RELL1: variants seen among roughly 807,000 people sequenced by gnomAD.
The protein encoded by RELL1 is RELT like 1.
Under a neutral mutation model 23.0 loss-of-function variants are expected in RELL1, and 10 were observed. The observed-to-expected ratio is 0.43, with a 90% CI of 0.27 to 0.74. The LOEUF (loss-of-function observed/expected upper bound fraction) is 0.74. Among genes scored for constraint, RELL1 ranks in the 30% least tolerant of loss-of-function variants. The pLI is 0.19. For synonymous variants in RELL1, 146 were observed against 146.8 expected (o/e 0.99, Z 0.04); for missense variants, 315 against 364.4 (o/e 0.86, Z 1.10).
intron 3 of RELL1, among the ~76,000 whole-genome samples, chr4:37,643,134 G>T (rs1720584239): frequency 6.6e-6 from 1 of 152,314 alleles, no homozygotes; most frequent in Non-Finnish European, 1.5e-5. Context: ...AGTCTTTTGG[G>T]ATCTGACGCT....
At chr4:37,588,561 TCTCCTCATCTGCAAAA>T, downstream of RELL1, 1 of 342,228 alleles carries the variant, frequency 2.9e-6, no homozygotes, top group South Asian at 5.1e-5. Flanking sequence ...TCCACCTTCT[TCTCCTCATCTGCAAAA>T]TGGGGATGAA....
At chr4:37,600,641 T>C (rs1005776644) in intron 6 of RELL1, among the ~76,000 whole-genome samples, 1 of 152,210 alleles carries the variant, frequency 6.6e-6, no homozygotes, top group African/African-American at 2.4e-5. Context: ...CTTTTATCTT[T>C]CCTCATGCCC....
chr4:37,631,138 AATC>A (rs1720115308), intron 6 of RELL1, among the ~76,000 whole-genome samples: 1 of 152,132 alleles, frequency 6.6e-6, no homozygotes, highest in Non-Finnish European at 1.5e-5. Flanking sequence ...CCTCACAAGT[AATC>A]CTCTATCCTC....
At chr4:37,669,083 C>A (rs1387626178) in intron 1 of RELL1, among the ~76,000 whole-genome samples, 1 of 133,162 alleles carries the variant, frequency 7.5e-6, no homozygotes, top group African/African-American at 3.3e-5. Context: ...CCTGGCCAGC[C>A]GCCCCGTCTG....
At position 37,649,356 on chromosome 4, in the gene RELL1, C is replaced by G; in HGVS notation, c.233G>C (p.Cys78Ser). ...ATAGCCTTTCTTCTTAAGCAGGTGG[C>G]AAATGAGGACGCCAAAGAGACCCAT... is the stretch of plus-strand genomic sequence containing the variant. ...FIMGLFGVLI[C>S]HLLKKKGYRC... The change falls in exon 2 of 7, where the codon TGC (cysteine) becomes TCC (serine). Residue 78 changes from cysteine to serine, a missense_variant. Physicochemically the swap from Cys to Ser is moderately radical, Grantham distance 112 (BLOSUM62 -1). Transcript: ENST00000454158. 6.2e-7 allele frequency: 1 copy of G among 1,614,208 alleles called. No homozygotes were observed.
intron 6 of RELL1, among the ~76,000 whole-genome samples, chr4:37,620,433 C>T (rs1719727258): frequency 6.6e-6 from 1 of 152,156 alleles, no homozygotes; most frequent in African/African-American, 2.4e-5. Flanking sequence ...AATCAGAGCA[C>T]CTTATTCCAA....
chr4:37,671,075 A>G (rs1294407987), intron 1 of RELL1, among the ~76,000 whole-genome samples: 1 of 152,152 alleles, frequency 6.6e-6, no homozygotes, highest in Non-Finnish European at 1.5e-5. Flanking sequence ...AAATTCTGAT[A>G]CCACCTAGCA....
intron 2 of RELL1, among the ~76,000 whole-genome samples, chr4:37,648,801 T>C (rs1720795229): frequency 6.6e-6 from 1 of 152,222 alleles, no homozygotes; most frequent in Non-Finnish European, 1.5e-5. Flanking sequence ...GAGACCTATT[T>C]TAATTTTTCC....
intron 1 of RELL1, among the ~76,000 whole-genome samples, chr4:37,668,543 A>G (rs1395766703): frequency 6.6e-6 from 1 of 151,980 alleles, no homozygotes; most frequent in Non-Finnish European, 1.5e-5. Context: ...GCTGGAGTGC[A>G]GTGGCGTGAT....
At chr4:37,636,235 C>T (rs1249681203) in intron 4 of RELL1, among the ~76,000 whole-genome samples, 1 of 152,122 alleles carries the variant, frequency 6.6e-6, no homozygotes, top group Admixed American at 6.5e-5. Context: ...CAGTATAGTG[C>T]TTCAGAAACA....
Position 37,610,964 on chromosome 4 carries a change from A to G in RELL1, c.*2382T>C, listed in dbSNP as rs937563843. On this transcript the variant is annotated 3_prime_UTR_variant, in exon 7 of 7. Coordinates refer to ENST00000454158, the MANE Select transcript of RELL1 (RefSeq NM_001085400.2). The surrounding 1 kb of genome is among the most constrained non-coding windows in gnomAD (Gnocchi z 4.1). Reference sequence around the variant, plus strand: ...AAAAGCGTATGTGTTGAAAATACTGAACGCTTAATTTTGGCAAATTTGGAA... The same window carrying G: ...AAAAGCGTATGTGTTGAAAATACTGGACGCTTAATTTTGGCAAATTTGGAA... Among the ~76,000 whole-genome samples, 1 of 152,218 alleles carries G rather than the reference A, an allele frequency of 6.6e-6. No homozygotes were observed. Among genetic ancestry groups the G allele is most frequent in the Non-Finnish European group, 1.5e-5 (1 of 68,044 alleles).
intron 1 of RELL1, among the ~76,000 whole-genome samples, chr4:37,663,656 C>T (rs1465024531): frequency 6.6e-6 from 1 of 152,196 alleles, no homozygotes; most frequent in East Asian, 1.9e-4. Context: ...AAATGAGGCA[C>T]ACGGGTTCAA....
At position 37,611,806 on chromosome 4, in the gene RELL1, T is replaced by C. The variant is rs140433026; in HGVS notation, c.*1540A>G. Among the ~76,000 whole-genome samples, 4 of 151,836 alleles carry C rather than the reference T, an allele frequency of 2.6e-5. No individual in the cohort carries two copies. The highest frequency in any genetic ancestry group is 5.9e-5 in the Non-Finnish European group (4 of 67,960). ...CTGGAGTGTTTTAAATAATGAGCAT[T>C]AGTTACAGGATGAAAAACAGGAAAT... On this transcript the variant is annotated 3_prime_UTR_variant, in exon 7 of 7. Transcript: ENST00000454158.
At chr4:37,619,877 G>A (rs1719711475) in intron 6 of RELL1, among the ~76,000 whole-genome samples, 1 of 152,214 alleles carries the variant, frequency 6.6e-6, no homozygotes, top group African/African-American at 2.4e-5. Context: ...TTTTGGATGT[G>A]AGTTATATGG....
chr4:37,598,146 TTTTTGTTGG>T, intron 6 of RELL1, among the ~76,000 whole-genome samples: 1 of 142,482 alleles, frequency 7.0e-6, no homozygotes. Flanking sequence ...TCATGAGTTC[TTTTTGTTGG>T]TTTTGTTGGT....
At chr4:37,655,988 A>G (rs1486841792) in intron 1 of RELL1, among the ~76,000 whole-genome samples, 2 of 152,196 alleles carry the variant, frequency 1.3e-5, no homozygotes, top group Non-Finnish European at 2.9e-5. Context: ...TGATCTAGAA[A>G]TCCCACTTCT....
intron 6 of RELL1, among the ~76,000 whole-genome samples, chr4:37,598,548 G>A (rs564467917): frequency 1.7e-4 from 26 of 152,168 alleles, no homozygotes; most frequent in African/African-American, 5.8e-4. Context: ...GAAGTCTACC[G>A]TGACGCCATG....
chr4:37,660,001 G>C lies in RELL1; in HGVS notation c.89-10501C>G, dbSNP rs540250742. On this transcript the variant is annotated intron_variant, in intron 1 of 6. Coordinates refer to ENST00000454158, the MANE Select transcript of RELL1 (RefSeq NM_001085400.2). The stretch of plus-strand genomic sequence containing the variant: ...AACCAACAAACTCTTGATGGGAAAG[G>C]AACTTGGCTGATAAGTGGATAACCC... Among the ~76,000 whole-genome samples, 24 of 152,268 alleles carry C rather than the reference G, an allele frequency of 1.6e-4. 1 individual carries two copies. The South Asian group carries it at 1.9e-3, about 12-fold the overall frequency.
intron 1 of RELL1, among the ~76,000 whole-genome samples, chr4:37,654,359 T>A (rs1218211503): frequency 5.9e-5 from 9 of 152,226 alleles, no homozygotes; most frequent in African/African-American, 2.2e-4. Flanking sequence ...CCCAGAAAGT[T>A]TTTTTGGACA....
Sources: gnomAD v4.1 joint callset for allele counts (sites outside exome capture counted in the v4.1 genomes callset) on GRCh38, gnomAD v4.1.1 for gene constraint, Gnocchi (gnomAD v3.1) non-coding constraint, MANE v1.5 for transcripts, NCBI Gene and HGNC (gene_info 2026-07-23, HGNC 2026-07-21) for gene names.